Variants in MBOAT1 observed in about 807,000 individuals in gnomAD.
The protein encoded by MBOAT1 is membrane-bound glycerophospholipid O-acyltransferase 1.
A neutral mutation model predicts 64.4 loss-of-function variants in MBOAT1; 67 were observed. That is an observed-to-expected ratio of 1.04 (90% CI 0.85 to 1.27). The LOEUF (loss-of-function observed/expected upper bound fraction) is 1.27. MBOAT1 is among the 50% of genes most tolerant of loss of function. The pLI, the probability that MBOAT1 is intolerant of heterozygous loss-of-function variation, is 0.00. For synonymous variants in MBOAT1, 229 were observed against 218.9 expected (o/e 1.05, Z -0.41); for missense variants, 563 against 604.6 (o/e 0.93, Z 0.72).
chr6:20,109,616 G>A lies in MBOAT1; in HGVS notation c.1343C>T (p.Pro448Leu), dbSNP rs1760062517. The part of the protein sequence containing the change: ...VAPFVMLAVE[P>L]TISLYKSMYF... ...AACTTACTTGTATAAGCTGATGGTCGGTTCAACTGCCAACATCACAAAGGG... is the reference window on the plus strand; with the variant it reads ...AACTTACTTGTATAAGCTGATGGTCAGTTCAACTGCCAACATCACAAAGGG... The change falls in exon 12 of 13, where the codon CCG (proline) becomes CTG (leucine). Residue 448 changes from proline (P) to leucine (L), a missense_variant. Transcript: ENST00000324607. The A allele has an allele frequency of 5.6e-6, 9 of 1,612,698 alleles. 1 individual carries two copies. The highest frequency in any genetic ancestry group is 4.5e-5 in the East Asian group (2 of 44,848).
In MBOAT1 at chr6:20,107,686, C is replaced by T. The variant is rs557044068; in HGVS notation, c.1361+1912G>A. On this transcript the variant is annotated intron_variant, in intron 12 of 12. Transcript: ENST00000324607. ...AATGCCTAGCACACTACAGGTATTA[C>T]GTGATACTGAGTGGAATACAGGCAC... Among the ~76,000 whole-genome samples, 17 of 151,642 alleles carry T rather than the reference C, an allele frequency of 1.1e-4. No homozygotes were observed. The East Asian group carries it at 1.2e-3, about 10-fold the overall frequency.
intron 1 of MBOAT1, among the ~76,000 whole-genome samples, chr6:20,187,594 CA>C (rs1762690284): frequency 6.6e-6 from 1 of 152,104 alleles, no homozygotes; most frequent in African/African-American, 2.4e-5. Flanking sequence ...TCTCAATTTT[CA>C]ACAAAGAAGA....
intron 1 of MBOAT1, among the ~76,000 whole-genome samples, chr6:20,167,799 A>G (rs558958674): frequency 1.3e-5 from 2 of 152,348 alleles, no homozygotes; most frequent in Admixed American, 1.3e-4. Flanking sequence ...TCACAGAATT[A>G]AGTGAGTTAA....
Position 20,101,951 on chromosome 6 carries a change from T to C in MBOAT1, c.*335A>G, listed in dbSNP as rs1418239833. Among the ~76,000 whole-genome samples, 1 of 150,546 alleles carries C rather than the reference T, an allele frequency of 6.6e-6. No individual in the cohort carries two copies. Among genetic ancestry groups the C allele is most frequent in the Non-Finnish European group, 1.5e-5 (1 of 67,656 alleles). On this transcript the variant is annotated 3_prime_UTR_variant, in exon 13 of 13. Coordinates refer to ENST00000324607, the MANE Select transcript of MBOAT1 (RefSeq NM_001080480.3). ...TAAAACGGTGAAACCCCGTCTCTAC[T>C]AAAAATACAAAAAATTAGCCGGGCG... is the stretch of plus-strand genomic sequence containing the variant.
intron 1 of MBOAT1, among the ~76,000 whole-genome samples, chr6:20,201,374 T>G (rs1294695569): frequency 6.6e-6 from 1 of 152,006 alleles, no homozygotes; most frequent in Admixed American, 6.6e-5. Context: ...GAGGGAACCA[T>G]ACGCTATCAC....
At chr6:20,175,765 C>A (rs1229267657) in intron 1 of MBOAT1, among the ~76,000 whole-genome samples, 1 of 151,578 alleles carries the variant, frequency 6.6e-6, no homozygotes, top group Non-Finnish European at 1.5e-5. Flanking sequence ...AGCCACTGCA[C>A]CTGGCCTTTT....
chr6:20,101,512 T>C lies in MBOAT1; in HGVS notation c.*774A>G, dbSNP rs1004194686. 6.6e-6 allele frequency among the ~76,000 whole-genome samples: 1 copy of C among 152,208 alleles called. No individual in the cohort carries two copies. The highest frequency in any genetic ancestry group is 1.5e-5 in the Non-Finnish European group (1 of 68,042). Reference sequence around the variant, plus strand: ...AGTTATTATGTCTGCAAACCAGTAATGTCACAAGTCAAAGGGTCTGGGGCT... The same window carrying C: ...AGTTATTATGTCTGCAAACCAGTAACGTCACAAGTCAAAGGGTCTGGGGCT... On this transcript the variant is annotated 3_prime_UTR_variant, in exon 13 of 13. Transcript: ENST00000324607.
rs112255246 is a variant in MBOAT1 at position 20,153,903 on chromosome 6, C to T, written c.100-1134G>A. On this transcript the variant is annotated intron_variant, in intron 1 of 12. Transcript: ENST00000324607. ...AATTTATATTTACCCAAATCAAATT[C>T]CAAATACATTAAGTGGTTTAACCAT... is the stretch of plus-strand genomic sequence containing the variant. 1.5e-4 allele frequency among the ~76,000 whole-genome samples: 23 copies of T among 152,248 alleles called. 1 individual carries two copies. The highest frequency in any genetic ancestry group is 5.5e-4 in the African/African-American group (23 of 41,556).
At chr6:20,113,813 T>C (rs1760243748) in intron 10 of MBOAT1, among the ~76,000 whole-genome samples, 2 of 150,526 alleles carry the variant, frequency 1.3e-5, no homozygotes, top group African/African-American at 4.9e-5. Context: ...TTAATAAAAA[T>C]ATATAATAAA....
chr6:20,154,260 G>A (rs1322659166), intron 1 of MBOAT1, among the ~76,000 whole-genome samples: 1 of 152,172 alleles, frequency 6.6e-6, no homozygotes, highest in South Asian at 2.1e-4. Context: ...GGCCAGGCGC[G>A]GTGGCTCACG....
rs370395371 is a variant in MBOAT1, at chr6:20,107,914, G to T, written c.1361+1684C>A. 2.6e-5 allele frequency among the ~76,000 whole-genome samples: 4 copies of T among 152,274 alleles called. No individual in the cohort carries two copies. In the East Asian group the frequency reaches 7.7e-4, roughly 29 times the overall value. On this transcript the variant is annotated intron_variant, in intron 12 of 12. Transcript: ENST00000324607. ...TGCAGACAGCTCAATGGTGCCAAAG[G>T]CTGCTTCCGGGCATGTTAAAAATGT...
At chr6:20,162,880 G>A (rs1382125015) in intron 1 of MBOAT1, among the ~76,000 whole-genome samples, 1 of 152,182 alleles carries the variant, frequency 6.6e-6, no homozygotes, top group Non-Finnish European at 1.5e-5. Flanking sequence ...CATGAACCAA[G>A]CTTCTTTCCA....
intron 8 of MBOAT1, among the ~76,000 whole-genome samples, chr6:20,123,880 C>A (rs1561751556): frequency 6.6e-6 from 1 of 151,786 alleles, no homozygotes; most frequent in Admixed American, 6.6e-5. Flanking sequence ...CACTGTGAAA[C>A]CCCATCTCTA....
intron 1 of MBOAT1, among the ~76,000 whole-genome samples, chr6:20,167,814 T>C (rs982800138): frequency 3.3e-5 from 5 of 152,194 alleles, no homozygotes; most frequent in African/African-American, 1.2e-4. Flanking sequence ...AGTTAATACA[T>C]GTCAAGTGAT....
At chr6:20,139,120 G>T (rs1761091055) in intron 4 of MBOAT1, among the ~76,000 whole-genome samples, 1 of 152,042 alleles carries the variant, frequency 6.6e-6, no homozygotes, top group South Asian at 2.1e-4. Context: ...GTTTGTTTGG[G>T]TTTTTATTTT....
At chr6:20,172,729 G>T (rs192835287) in intron 1 of MBOAT1, among the ~76,000 whole-genome samples, 95 of 152,252 alleles carry the variant, frequency 6.2e-4, no homozygotes, top group African/African-American at 2.3e-3. Flanking sequence ...ATATAACACT[G>T]ATCTACACAG....
chr6:20,200,613 A>C (rs6911788), intron 1 of MBOAT1, among the ~76,000 whole-genome samples: 7 of 152,084 alleles, frequency 4.6e-5, no homozygotes, highest in African/African-American at 1.7e-4. Context: ...GACACTAGAA[A>C]CAAACCCCAA....
intron 1 of MBOAT1, among the ~76,000 whole-genome samples, chr6:20,210,159 A>G (rs1161172039): frequency 6.6e-6 from 1 of 152,052 alleles, no homozygotes; most frequent in Non-Finnish European, 1.5e-5. Flanking sequence ...AAATTTCTCA[A>G]CCTCAAAAGG....
In MBOAT1 at chr6:20,122,925, C is replaced by T. The variant is rs146073961; in HGVS notation, c.907+1483G>A. ...CGGCTTACAGCAACCTCCACCTCCC[C>T]GATTCAAGTGATTCTAATGCCTCAG... On this transcript the variant is annotated intron_variant, in intron 8 of 12. Transcript: ENST00000324607. Among the ~76,000 whole-genome samples the T allele has an allele frequency of 3.6e-3, 548 of 152,094 alleles. 1 individual carries two copies. The highest frequency in any genetic ancestry group is 5.2e-3 in the Non-Finnish European group (353 of 67,996).
Sources: allele counts gnomAD v4.1 joint callset (sites outside exome capture counted in the v4.1 genomes callset), GRCh38; gene constraint gnomAD v4.1.1; transcripts MANE v1.5; gene names NCBI Gene and HGNC (gene_info 2026-07-23, HGNC 2026-07-21).